DNAH6: variants seen among roughly 807,000 people sequenced by gnomAD.
The protein encoded by DNAH6 is dynein axonemal heavy chain 6.
Under a neutral mutation model 491.4 loss-of-function variants are expected in DNAH6, and 340 were observed. The observed-to-expected ratio is 0.69, with a 90% CI of 0.63 to 0.76. The LOEUF (loss-of-function observed/expected upper bound fraction) is 0.76, where lower values mean the gene tolerates loss of function less well. Ranked by LOEUF, DNAH6 falls within the 30% of genes least tolerant of loss-of-function variation. DNAH6 has a pLI of 0.00. For synonymous variants in DNAH6, 1,603 were observed against 1,686.1 expected (o/e 0.95, Z 1.21); for missense variants, 4,443 against 4,972.2 (o/e 0.89, Z 3.20).
intron 9 of DNAH6, among the ~76,000 whole-genome samples, chr2:84,550,643 C>T (rs1233485093): frequency 1.3e-5 from 2 of 152,114 alleles, no homozygotes; most frequent in Non-Finnish European, 2.9e-5. Flanking sequence ...AAAGCTTGCT[C>T]ATGTGTTCAT....
intron 59 of DNAH6, among the ~76,000 whole-genome samples, chr2:84,721,519 A>G (rs968587205): frequency 5.3e-5 from 8 of 152,302 alleles, no homozygotes; most frequent in African/African-American, 1.9e-4. Flanking sequence ...AGCACTTCAA[A>G]TATGGCTAGC....
chr2:84,548,244 T>C (rs1678981638), intron 7 of DNAH6, 44 bp from the exon 8 acceptor site: 2 of 1,549,008 alleles, frequency 1.3e-6, no homozygotes, highest in Non-Finnish European at 1.7e-6. Context: ...GAGATGGAAC[T>C]TTTACACAAG....
intron 71 of DNAH6, 95 bp downstream of exon 71, chr2:84,805,889 T>C (rs780501573): frequency 7.8e-6 from 9 of 1,160,452 alleles, no homozygotes; most frequent in Middle Eastern, 2.1e-4. Context: ...CTGCTTATTA[T>C]GTAGACTTTT....
At chr2:84,589,737 G>T (rs192957706) in intron 16 of DNAH6, among the ~76,000 whole-genome samples, 18 of 147,028 alleles carry the variant, frequency 1.2e-4, no homozygotes, top group African/African-American at 4.5e-4. Flanking sequence ...AAAAAGAAAG[G>T]TATATTTGAA....
intron 68 of DNAH6, among the ~76,000 whole-genome samples, chr2:84,790,215 A>C (rs1438722656): frequency 6.6e-6 from 1 of 152,222 alleles, no homozygotes; most frequent in Non-Finnish European, 1.5e-5. Flanking sequence ...GTCCATATAC[A>C]AAAGGATAAA....
chr2:84,561,457 C>G (rs915118480), intron 11 of DNAH6, among the ~76,000 whole-genome samples: 7 of 152,158 alleles, frequency 4.6e-5, no homozygotes, highest in African/African-American at 1.7e-4. Flanking sequence ...CTAGGCATTA[C>G]CATTCAAGAC....
chr2:84,624,177 G>A, intron 26 of DNAH6, 88 bp from the exon 27 acceptor site: 1 of 1,229,662 alleles, frequency 8.1e-7, no homozygotes, highest in Non-Finnish European at 1.1e-6. Context: ...TTTTAGCAAT[G>A]TCTCTCCAAA....
chr2:84,633,059 G>C (rs905776011), intron 29 of DNAH6, among the ~76,000 whole-genome samples: 3 of 152,164 alleles, frequency 2.0e-5, no homozygotes, highest in Admixed American at 1.3e-4. Flanking sequence ...TGGAAGTATA[G>C]AATGTGTGGC....
chr2:84,545,283 TA>T (rs1422890815), intron 5 of DNAH6, among the ~76,000 whole-genome samples: 2 of 152,146 alleles, frequency 1.3e-5, no homozygotes, highest in African/African-American at 4.8e-5. Context: ...ACATAAATAT[TA>T]GTACAAGACA....
At chr2:84,492,916 G>T in the DNAH6 span, among the ~76,000 whole-genome samples, 1 of 152,036 alleles carries the variant, frequency 6.6e-6, no homozygotes. Context: ...TGACAGCAAT[G>T]AGAAATTTTC....
rs1467483623 is a variant in DNAH6, at chr2:84,619,747, C to A, written c.3635C>A (p.Ala1212Asp). 2 of 1,551,688 alleles carry A rather than the reference C, an allele frequency of 1.3e-6. No individual in the cohort carries two copies. Among genetic ancestry groups the A allele is most frequent in the Non-Finnish European group, 1.7e-6 (2 of 1,146,870 alleles). Residue 1212 changes from alanine (A) to aspartate (D), a missense_variant, in exon 24 of 77, where the codon GCC (alanine) becomes GAC (aspartate). Around this residue, in one of 3 missense-constraint regions of DNAH6, gnomAD observed 2,977 missense variants for 3,296.6 expected, o/e 0.90. Coordinates refer to ENST00000389394, the MANE Select transcript of DNAH6 (RefSeq NM_001370.2). ...EILAQTRNPQ[A>D]VQPHLRKCFD... is the part of the protein sequence containing the mutation. Reference sequence around the variant, plus strand: ...TTGGCCCAGACACGAAATCCACAGGCCGTGCAGCCACACTTAAGGAAATGC... The same window carrying A: ...TTGGCCCAGACACGAAATCCACAGGACGTGCAGCCACACTTAAGGAAATGC...
intron 65 of DNAH6, among the ~76,000 whole-genome samples, chr2:84,783,792 C>T (rs1179397014): frequency 1.3e-5 from 2 of 151,962 alleles, no homozygotes; most frequent in Non-Finnish European, 2.9e-5. Flanking sequence ...AAATAAGTAA[C>T]GTATACGTTG....
chr2:84,625,650 T>G (rs1687790869), intron 29 of DNAH6, among the ~76,000 whole-genome samples: 2 of 152,220 alleles, frequency 1.3e-5, no homozygotes, highest in African/African-American at 4.8e-5. Flanking sequence ...GTAAGCCCAT[T>G]ATATGTTAAC....
At chr2:84,524,165 C>A (rs1156827832) in intron 2 of DNAH6, among the ~76,000 whole-genome samples, 4 of 150,836 alleles carry the variant, frequency 2.7e-5, no homozygotes, top group African/African-American at 7.3e-5. Context: ...ATAGTTAGGT[C>A]TTCTTGAATT....
At chr2:84,671,086 C>G (rs1289326416) in intron 39 of DNAH6, among the ~76,000 whole-genome samples, 2 of 152,094 alleles carry the variant, frequency 1.3e-5, no homozygotes, top group Admixed American at 6.5e-5. Context: ...TCACTCCTCC[C>G]CACCCTCCCT....
chr2:84,641,957 A>G lies in DNAH6; in HGVS notation c.4981A>G (p.Arg1661Gly). The G allele has an allele frequency of 1.3e-6, 2 of 1,549,454 alleles. No homozygotes were observed. Among genetic ancestry groups the G allele is most frequent in the Non-Finnish European group, 1.7e-6 (2 of 1,146,120 alleles). ...SVLVMAGSLK[R>G]ENPDLNEDVV... ...TTCCTTTAAATTTAGATCTTTAAAA[A>G]GAGAAAACCCAGACCTAAATGAAGA... Residue 1661 changes from arginine (R) to glycine (G), a missense_variant, in exon 33 of 77, where the codon AGA (arginine) becomes GGA (glycine). Arg to Gly is a moderately radical substitution (Grantham distance 125). Transcript: ENST00000389394.
At chr2:84,661,437 C>A (rs1212477927) in intron 37 of DNAH6, among the ~76,000 whole-genome samples, 1 of 151,842 alleles carries the variant, frequency 6.6e-6, no homozygotes, top group African/African-American at 2.4e-5. Flanking sequence ...TGTAGAAATA[C>A]CTAAAAAATC....
chr2:84,794,815 A>G (rs1451176240), intron 68 of DNAH6, among the ~76,000 whole-genome samples: 1 of 141,412 alleles, frequency 7.1e-6, no homozygotes, highest in Non-Finnish European at 1.5e-5. Context: ...TGACCCAGCC[A>G]TCCCATTACT....
chr2:84,728,459 G>T (rs1297594066), intron 61 of DNAH6, among the ~76,000 whole-genome samples: 3 of 152,192 alleles, frequency 2.0e-5, no homozygotes, highest in Non-Finnish European at 4.4e-5. Flanking sequence ...AACTAACTGT[G>T]TAATGTATCA....
Sources: gnomAD v4.1 joint callset for allele counts (sites outside exome capture counted in the v4.1 genomes callset) on GRCh38, gnomAD v4.1.1 for gene constraint, gnomAD v4.1.1 regional missense constraint, MANE v1.5 for transcripts, NCBI Gene and HGNC (gene_info 2026-07-23, HGNC 2026-07-21) for gene names.